Variants in PTPRG observed in about 807,000 individuals in gnomAD.
PTPRG encodes protein tyrosine phosphatase receptor type G.
In PTPRG, 102 loss-of-function variants were observed where a neutral mutation model predicts 165.3. The observed-to-expected ratio is 0.62, with a 90% CI of 0.53 to 0.73. The LOEUF (loss-of-function observed/expected upper bound fraction) is 0.73. PTPRG is among the 30% of genes least tolerant of loss of function. PTPRG has a pLI of 0.00. For synonymous variants in PTPRG, 675 were observed against 669.5 expected, an observed-to-expected ratio of 1.01 and a Z score of -0.13; for missense variants, 1,866 against 1,861.4, an observed-to-expected ratio of 1.00 and a Z score of -0.05.
intron 12 of PTPRG, among the ~76,000 whole-genome samples, chr3:62,205,739 G>A (rs537075728): frequency 1.1e-4 from 16 of 152,128 alleles, no homozygotes; most frequent in Non-Finnish European, 2.4e-4. Flanking sequence ...GGGAGAGGAG[G>A]GGATGGATTT....
intron 2 of PTPRG, among the ~76,000 whole-genome samples, chr3:61,958,867 T>G (rs2040090883): frequency 6.6e-6 from 1 of 152,192 alleles, no homozygotes; most frequent in South Asian, 2.1e-4. Context: ...CCACACGAAC[T>G]TACTTTAGGC....
At chr3:61,915,887 T>C (rs1359176413) in intron 2 of PTPRG, among the ~76,000 whole-genome samples, 1 of 152,242 alleles carries the variant, frequency 6.6e-6, no homozygotes, top group African/African-American at 2.4e-5. Context: ...TTAAGACAGC[T>C]TGAGTTGCAT....
intron 1 of PTPRG, among the ~76,000 whole-genome samples, chr3:61,687,835 T>G (rs754376657): frequency 7.9e-5 from 12 of 152,150 alleles, no homozygotes; most frequent in Non-Finnish European, 1.5e-4. Flanking sequence ...AATATGACAG[T>G]TTTATAGTAG....
At chr3:61,849,351 G>A (rs2036894868) in intron 2 of PTPRG, among the ~76,000 whole-genome samples, 1 of 152,086 alleles carries the variant, frequency 6.6e-6, no homozygotes, top group South Asian at 2.1e-4. Flanking sequence ...CTGCAGCATG[G>A]GAAATTTCAT....
At chr3:61,703,148 C>CTT (rs200580288) in intron 1 of PTPRG, among the ~76,000 whole-genome samples, 7 of 143,974 alleles carry the variant, frequency 4.9e-5, no homozygotes, top group African/African-American at 1.8e-4. Flanking sequence ...GAAGTTGAAT[C>CTT]TTTTTTTTTT....
chr3:62,203,639 C>T lies in PTPRG; in HGVS notation c.1844C>T (p.Ala615Val), dbSNP rs748075001. The T allele has an allele frequency of 5.1e-6, 8 of 1,557,818 alleles. No homozygotes were observed. The South Asian group carries it at 9.5e-5, about 18-fold the overall frequency. The part of the protein sequence containing the change: ...KKEKSGVTHA[A>V]EERNQTEPSP... ...GAGAAGAGTGGGGTGACCCACGCTG[C>T]CGAGGAGCGGAATCAGACGGAGCCC... Residue 615 changes from alanine to valine, a missense_variant, in exon 12 of 30, where the codon GCC becomes GTC. Ala to Val is a moderately conservative substitution (Grantham distance 64, BLOSUM62 0). Around this residue, in one of 3 missense-constraint regions of PTPRG, gnomAD observed 1,452 missense variants for 1,463.0 expected, o/e 0.99. Transcript: ENST00000474889. The surrounding 1 kb of genome is among the most constrained non-coding windows in gnomAD (Gnocchi z 6.4).
intron 5 of PTPRG, among the ~76,000 whole-genome samples, chr3:62,099,793 CTTTT>C (rs759385441): frequency 2.2e-5 from 2 of 90,722 alleles, no homozygotes; most frequent in Non-Finnish European, 2.0e-5. Context: ...AGTGTTAAAT[CTTTT>C]TTTTTTTTTT....
Position 61,852,512 on chromosome 3 carries a change from G to A in PTPRG, c.190+103530G>A, listed in dbSNP as rs571047427. ...CCTGAAGAGTTTTTTAAAAACCATG[G>A]ACATATACTGTTAGCATCCAGCTTC... On this transcript the variant is annotated intron_variant, in intron 2 of 29. Coordinates refer to ENST00000474889, the MANE Select transcript of PTPRG (RefSeq NM_002841.4). 9.9e-5 allele frequency among the ~76,000 whole-genome samples: 15 copies of A among 152,276 alleles called. No individual in the cohort carries two copies. In the South Asian group the frequency reaches 3.1e-3, roughly 32 times the overall value.
intron 14 of PTPRG, among the ~76,000 whole-genome samples, chr3:62,238,441 T>C (rs1029369971): frequency 9.2e-5 from 14 of 152,170 alleles, no homozygotes; most frequent in Admixed American, 5.9e-4. Context: ...TCATTATTAT[T>C]AATAATATTG....
At chr3:61,769,320 G>A (rs2034133863) in intron 2 of PTPRG, 1 of 152,076 alleles carries the variant, frequency 6.6e-6, no homozygotes. Context: ...CCAGGCTGGA[G>A]TGCAGTATAC....
At chr3:61,580,777 G>A (rs920019075) in intron 1 of PTPRG, among the ~76,000 whole-genome samples, 2 of 152,164 alleles carry the variant, frequency 1.3e-5, no homozygotes, top group Admixed American at 6.5e-5. Context: ...AGGACTTAAC[G>A]ATTATTATTT....
intron 5 of PTPRG, among the ~76,000 whole-genome samples, chr3:62,117,267 G>T (rs934818453): frequency 5.3e-5 from 8 of 152,166 alleles, no homozygotes; most frequent in African/African-American, 1.7e-4. Context: ...ATTTAAAGGG[G>T]ACTTTTCCCA....
intron 9 of PTPRG, among the ~76,000 whole-genome samples, chr3:62,193,109 T>TG (rs1431545739): frequency 6.6e-6 from 1 of 152,210 alleles, no homozygotes; most frequent in East Asian, 1.9e-4. Context: ...ACCTTTCTCT[T>TG]GTCACAACTG....
At chr3:61,641,309 T>A (rs1702053260) in intron 1 of PTPRG, among the ~76,000 whole-genome samples, 1 of 152,178 alleles carries the variant, frequency 6.6e-6, no homozygotes, top group South Asian at 2.1e-4. Flanking sequence ...TGGAAACAGA[T>A]GAAGTCCCTG....
intron 5 of PTPRG, among the ~76,000 whole-genome samples, chr3:62,102,266 T>C (rs1225144472): frequency 6.6e-6 from 1 of 152,062 alleles, no homozygotes; most frequent in East Asian, 1.9e-4. Context: ...CTTTCTTTCC[T>C]TTCTTCCCTT....
At chr3:61,862,368 G>T (rs1235559252) in intron 2 of PTPRG, among the ~76,000 whole-genome samples, 6 of 149,772 alleles carry the variant, frequency 4.0e-5, no homozygotes, top group African/African-American at 9.9e-5. Flanking sequence ...TCTAATGTAG[G>T]TATTACTCAG....
chr3:61,766,077 A>G (rs1340740403), intron 2 of PTPRG, among the ~76,000 whole-genome samples: 2 of 152,238 alleles, frequency 1.3e-5, no homozygotes, highest in Non-Finnish European at 1.5e-5. Flanking sequence ...CAATACTCCT[A>G]TTGCAGGTCT....
chr3:62,120,101 G>GTT (rs112532438), intron 5 of PTPRG, among the ~76,000 whole-genome samples: 2 of 151,120 alleles, frequency 1.3e-5, no homozygotes, highest in Admixed American at 6.6e-5. Context: ...AGTTTTTTGG[G>GTT]TTTTTTTTTA....
At chr3:61,586,173 C>T (rs1307405550) in intron 1 of PTPRG, among the ~76,000 whole-genome samples, 1 of 151,778 alleles carries the variant, frequency 6.6e-6, no homozygotes, top group East Asian at 1.9e-4. Flanking sequence ...ATAGATTCCT[C>T]TGATTGAGTA....
Sources: gnomAD v4.1 joint callset for allele counts (sites outside exome capture counted in the v4.1 genomes callset) on GRCh38, gnomAD v4.1.1 for gene constraint, gnomAD v4.1.1 regional missense constraint, Gnocchi (gnomAD v3.1) non-coding constraint, MANE v1.5 for transcripts, NCBI Gene and HGNC (gene_info 2026-07-23, HGNC 2026-07-21) for gene names.